PLEKHH1: variants seen among roughly 807,000 people sequenced by gnomAD.
PLEKHH1 encodes pleckstrin homology domain-containing family H member 1.
Under a neutral mutation model 160.0 loss-of-function variants are expected in PLEKHH1, and 104 were observed. The observed-to-expected ratio is 0.65, with a 90% CI of 0.55 to 0.76. PLEKHH1 has a LOEUF of 0.76. Ranked by LOEUF, PLEKHH1 falls within the 30% of genes least tolerant of loss-of-function variation. PLEKHH1 has a pLI of 0.00. For synonymous variants in PLEKHH1, 619 were observed against 678.4 expected (o/e 0.91, Z 1.36); for missense variants, 1,427 against 1,724.1 (o/e 0.83, Z 3.05).
intron 25 of PLEKHH1, 38 bp from the exon 26 acceptor site, chr14:67,583,957 C>A (rs749272730): frequency 6.2e-7 from 1 of 1,613,174 alleles, no homozygotes; most frequent in South Asian, 1.1e-5. Context: ...CACGTCGGCA[C>A]TTCATTGGCA....
intron 2 of PLEKHH1, among the ~76,000 whole-genome samples, chr14:67,548,897 G>A (rs2140355985): frequency 6.6e-6 from 1 of 152,254 alleles, no homozygotes; most frequent in South Asian, 2.1e-4. Context: ...AAAATTTGTA[G>A]TTCAGAAATT....
chr14:67,554,790 A>C (rs1278456458), intron 2 of PLEKHH1, among the ~76,000 whole-genome samples: 1 of 152,210 alleles, frequency 6.6e-6, no homozygotes, highest in Non-Finnish European at 1.5e-5. Flanking sequence ...CTGGTCCCTG[A>C]AGAGCCTCCA....
rs1056028772 is a variant in PLEKHH1 at position 67,587,035 on chromosome 14, G to A, written c.3934-39G>A. On this transcript the variant is annotated intron_variant, in intron 28 of 28. Coordinates refer to ENST00000329153, the MANE Select transcript of PLEKHH1 (RefSeq NM_020715.3). ...GTAAGAAAGCCAGGATTCAAGCCAA[G>A]GCTAGTTCAATTCCTTCACATCTCT... The A allele has an allele frequency of 3.9e-6, 6 of 1,546,584 alleles. No homozygotes were observed. The African/African-American group carries it at 8.2e-5, about 21-fold the overall frequency.
chr14:67,567,603 C>CCT (rs1161115575), intron 7 of PLEKHH1, among the ~76,000 whole-genome samples: 1 of 152,118 alleles, frequency 6.6e-6, no homozygotes, highest in Non-Finnish European at 1.5e-5. Context: ...CCTCACCGCC[C>CCT]CTCTGTCTCC....
chr14:67,564,213 G>GGCTA (rs1376359333), intron 7 of PLEKHH1, among the ~76,000 whole-genome samples: 4 of 152,274 alleles, frequency 2.6e-5, no homozygotes, highest in African/African-American at 9.6e-5. Flanking sequence ...ATGTTGGCCA[G>GGCTA]GCTAGTCTCA....
chr14:67,571,775 G>T lies in PLEKHH1; in HGVS notation c.1458G>T (p.Met486Ile). 1 of 1,613,976 alleles carries T rather than the reference G, an allele frequency of 6.2e-7. No individual in the cohort carries two copies. Among genetic ancestry groups the T allele is most frequent in the Non-Finnish European group, 8.5e-7 (1 of 1,179,856 alleles). ...LKGRATQISN[M>I]PFMDESSGSD... ...AGAGAGCTACACAGATCAGCAACAT[G>T]CCCTTTATGGACGAGTCCTCTGGGT... The change falls in exon 10 of 29, where the codon ATG becomes ATT. Residue 486 changes from methionine (M) to isoleucine (I), a missense_variant. By Grantham distance (10) the Met-to-Ile change is conservative. Around this residue, in one of 6 missense-constraint regions of PLEKHH1, gnomAD observed 831 missense variants for 929.2 expected, o/e 0.89. Coordinates refer to ENST00000329153, the MANE Select transcript of PLEKHH1 (RefSeq NM_020715.3).
Position 67,534,513 on chromosome 14 carries a change from AT to A in PLEKHH1, c.-35+1117del, listed in dbSNP as rs1427079079. ...GATGATCCTGTCTGTTAAAAAAAAA[AT>A]TGTTGTGATATGCCCATGGTCACAT... On this transcript the variant is annotated intron_variant, in intron 1 of 28. Coordinates refer to ENST00000329153, the MANE Select transcript of PLEKHH1 (RefSeq NM_020715.3). Among the ~76,000 whole-genome samples, 3 of 152,236 alleles carry A rather than the reference AT, an allele frequency of 2.0e-5. No individual in the cohort carries two copies. In the East Asian group the frequency reaches 5.8e-4, roughly 29 times the overall value.
chr14:67,568,216 T>C (rs979176647), intron 7 of PLEKHH1, among the ~76,000 whole-genome samples: 1 of 152,098 alleles, frequency 6.6e-6, no homozygotes, highest in Non-Finnish European at 1.5e-5. Flanking sequence ...AATGGTAGAC[T>C]GGATAAAGAA....
rs774213460 is a variant in PLEKHH1 at position 67,583,879 on chromosome 14, C to A, written c.3565C>A (p.Leu1189Met). The A allele has an allele frequency of 6.2e-7, 1 of 1,613,562 alleles. No individual in the cohort carries two copies. The highest frequency in any genetic ancestry group is 2.2e-5 in the East Asian group (1 of 44,874). Residue 1189 changes from leucine to methionine, a missense_variant, in exon 25 of 29, where the codon CTG becomes ATG. Around this residue, in one of 6 missense-constraint regions of PLEKHH1, gnomAD observed 436 missense variants for 607.5 expected, o/e 0.72. Coordinates refer to ENST00000329153, the MANE Select transcript of PLEKHH1 (RefSeq NM_020715.3). ...TAGACATGGGGCCCCCGCTGAACAGCTGAGGTAGGTAGGCTACAAGGTCTT... is the reference window on the plus strand; with the variant it reads ...TAGACATGGGGCCCCCGCTGAACAGATGAGGTAGGTAGGCTACAAGGTCTT... ...RYRHGAPAEQLRHLADMLTTK... is the reference protein window; with the variant it reads ...RYRHGAPAEQMRHLADMLTTK...
In PLEKHH1 at chr14:67,562,662, G is replaced by C; in HGVS notation, c.1031G>C (p.Arg344Pro). 1 of 1,612,556 alleles carries C rather than the reference G, an allele frequency of 6.2e-7. No individual in the cohort carries two copies. The highest frequency in any genetic ancestry group is 1.1e-5 in the South Asian group (1 of 90,728). Residue 344 changes from arginine to proline, a missense_variant, in exon 7 of 29, where the codon CGT becomes CCT. Physicochemically the swap from Arg to Pro is moderately radical, Grantham distance 103. Coordinates refer to ENST00000329153, the MANE Select transcript of PLEKHH1 (RefSeq NM_020715.3). ...CAGGTGGGCCATGGGCACTTTGGCCGTGTGGTGAACATTGAGACTGAGGCC... is the reference window on the plus strand; with the variant it reads ...CAGGTGGGCCATGGGCACTTTGGCCCTGTGGTGAACATTGAGACTGAGGCC... Reference protein sequence around the residue: ...QPQVGHGHFGRVVNIETEAFS... With the variant: ...QPQVGHGHFGPVVNIETEAFS...
chr14:67,552,766 C>CAAA lies in PLEKHH1; in HGVS notation c.127-3049_127-3047dup, dbSNP rs34079106. ...TGGGCGACAGAGCAAGACTCTGTCT[C>CAAA]AAAAAAAAAAAACAAAAACAAAAAG... On this transcript the variant is annotated intron_variant, in intron 2 of 28. Coordinates refer to ENST00000329153, the MANE Select transcript of PLEKHH1 (RefSeq NM_020715.3). 6.6e-4 allele frequency among the ~76,000 whole-genome samples: 94 copies of CAAA among 141,512 alleles called. 1 individual carries two copies. The highest frequency in any genetic ancestry group is 3.6e-3 in the Middle Eastern group (1 of 274). 92.8% of individuals were successfully genotyped at this position (141,512 alleles called of 152,430 possible). A position where few individuals can be genotyped will look rare whatever the true frequency, so the allele number is the denominator to read the frequency against.
Position 67,578,171 on chromosome 14 carries a change from G to T in PLEKHH1, c.2723G>T (p.Arg908Leu). 1 of 1,613,866 alleles carries T rather than the reference G, an allele frequency of 6.2e-7. No individual in the cohort carries two copies. The highest frequency in any genetic ancestry group is 1.1e-5 in the South Asian group (1 of 91,070). Residue 908 changes from arginine to leucine, a missense_variant, in exon 19 of 29, where the codon CGC (arginine) becomes CTC (leucine). Transcript: ENST00000329153. This position sits in a 1 kb window ranked among gnomAD's most constrained non-coding sequence, Gnocchi z 5.0. ...CAACTCATGAAGCAGACCAGCTGCC[G>T]CCCACCTCAGAAGTACTCCCTCATG... ...YCQLMKQTSCRPPQKYSLMQC... is the reference protein window; with the variant it reads ...YCQLMKQTSCLPPQKYSLMQC...
In PLEKHH1 at chr14:67,577,319, C is replaced by T. The variant is rs1285836146; in HGVS notation, c.2479C>T (p.His827Tyr). 6.4e-7 allele frequency: 1 copy of T among 1,572,192 alleles called. No homozygotes were observed. Among genetic ancestry groups the T allele is most frequent in the Non-Finnish European group, 8.6e-7 (1 of 1,159,330 alleles). Residue 827 changes from histidine (H) to tyrosine (Y), a missense_variant, in exon 18 of 29, where the codon CAC becomes TAC. Coordinates refer to ENST00000329153, the MANE Select transcript of PLEKHH1 (RefSeq NM_020715.3). ...EGDPDSPLWR[H>Y]PMLCYSKDGL... The stretch of plus-strand genomic sequence containing the variant: ...TTGGGCAGATTCGCCGCTCTGGAGG[C>T]ACCCCATGCTGTGCTACAGCAAAGA...
chr14:67,578,004 C>T lies in PLEKHH1; in HGVS notation c.2575-19C>T, dbSNP rs1393185717. On this transcript the variant is annotated intron_variant, in intron 18 of 28. Transcript: ENST00000329153. This position sits in a 1 kb window ranked among gnomAD's most constrained non-coding sequence, Gnocchi z 5.0. ...CAGGGGATGCTGGTCTGCCTGTGCTCACTGCTGTTCCCTCCCAGTCCTGCC... is the reference window on the plus strand; with the variant it reads ...CAGGGGATGCTGGTCTGCCTGTGCTTACTGCTGTTCCCTCCCAGTCCTGCC... The T allele has an allele frequency of 1.2e-6, 2 of 1,608,006 alleles. No homozygotes were observed. The highest frequency in any genetic ancestry group is 2.7e-5 in the African/African-American group (2 of 74,782).
At position 67,582,240 on chromosome 14, in the gene PLEKHH1, C is replaced by T. The variant is rs578054389; in HGVS notation, c.3426+30C>T. ...GGTTCTGTTCAGGAAGCAGGAGGGT[C>T]GGGTTGCCAGCTTAGAATGAATGCA... On this transcript the variant is annotated intron_variant, in intron 24 of 28. Coordinates refer to ENST00000329153, the MANE Select transcript of PLEKHH1 (RefSeq NM_020715.3). The surrounding 1 kb of genome is among the most constrained non-coding windows in gnomAD (Gnocchi z 5.0). 1.0e-4 allele frequency: 169 copies of T among 1,613,082 alleles called. 1 individual carries two copies. The East Asian group carries it at 1.7e-3, about 16-fold the overall frequency.
Position 67,579,338 on chromosome 14 carries a change from C to T in PLEKHH1, c.3027+27C>T, listed in dbSNP as rs1385682981. 4 of 1,459,586 alleles carry T rather than the reference C, an allele frequency of 2.7e-6. No homozygotes were observed. The South Asian group carries it at 4.4e-5, about 16-fold the overall frequency. 90.4% of individuals were successfully genotyped at this position (1,459,586 alleles called of 1,614,324 possible). A position where few individuals can be genotyped will look rare whatever the true frequency, so the allele number is the denominator to read the frequency against. On this transcript the variant is annotated intron_variant, in intron 21 of 28. Transcript: ENST00000329153. ...TGAGGAGCTGGGCGTGCTCTTTGCC[C>T]CGAGTCTTCTCACGTCACCATCCAG... is the stretch of plus-strand genomic sequence containing the variant.
chr14:67,577,308 C>T lies in PLEKHH1; in HGVS notation c.2468C>T (p.Pro823Leu), dbSNP rs369145807. Residue 823 changes from proline (P) to leucine (L), a missense_variant, in exon 18 of 29, where the codon CCG becomes CTG. By Grantham distance (98) the Pro-to-Leu change is moderately conservative. Around this residue, in one of 6 missense-constraint regions of PLEKHH1, gnomAD observed 436 missense variants for 607.5 expected, o/e 0.72. Transcript: ENST00000329153. ...GGTTCCGTGCTTTGGGCAGATTCGCCGCTCTGGAGGCACCCCATGCTGTGC... is the reference window on the plus strand; with the variant it reads ...GGTTCCGTGCTTTGGGCAGATTCGCTGCTCTGGAGGCACCCCATGCTGTGC... ...LMDGEGDPDS[P>L]LWRHPMLCYS... 55 of 1,564,138 alleles carry T rather than the reference C, an allele frequency of 3.5e-5. No individual in the cohort carries two copies. The highest frequency in any genetic ancestry group is 1.7e-4 in the Middle Eastern group (1 of 6,012).
chr14:67,563,434 T>G (rs1191414119), intron 7 of PLEKHH1, among the ~76,000 whole-genome samples: 3 of 146,756 alleles, frequency 2.0e-5, no homozygotes, highest in Non-Finnish European at 3.0e-5. Context: ...TTCTTTTTTT[T>G]GGGGGGTGGG....
rs1327181219 is a variant in PLEKHH1 at position 67,588,662 on chromosome 14, G to T, written c.*1427G>T. On this transcript the variant is annotated 3_prime_UTR_variant, in exon 29 of 29. Coordinates refer to ENST00000329153, the MANE Select transcript of PLEKHH1 (RefSeq NM_020715.3). ...TCATACTCTGATTTTCCAACATCTA[G>T]GAAACTGAGTTTTATTTCCTAGCTC... 4 of 152,238 alleles carry T rather than the reference G, an allele frequency of 2.6e-5. No homozygotes were observed. Among genetic ancestry groups the T allele is most frequent in the Non-Finnish European group, 5.9e-5 (4 of 68,014 alleles). The allele number at this position is 152,238 out of a possible 1,614,324, so 9.4% of individuals were successfully genotyped here.
Sources: allele counts gnomAD v4.1 joint callset (sites outside exome capture counted in the v4.1 genomes callset), GRCh38; gene constraint gnomAD v4.1.1; regional missense constraint gnomAD v4.1.1; non-coding constraint Gnocchi (gnomAD v3.1); transcripts MANE v1.5; gene names NCBI Gene and HGNC (gene_info 2026-07-23, HGNC 2026-07-21).